The following DOCK10 variants were observed in gnomAD, a reference collection of about 807,000 sequenced individuals.
DOCK10 encodes the protein dedicator of cytokinesis protein 10.
A neutral mutation model predicts 280.1 loss-of-function variants in DOCK10; 145 were observed. That is an observed-to-expected ratio of 0.52 (90% confidence interval 0.45 to 0.59). The LOEUF (loss-of-function observed/expected upper bound fraction) is 0.59, where lower values mean the gene tolerates loss of function less well. Ranked by LOEUF, DOCK10 falls within the 20% of genes least tolerant of loss-of-function variation. The pLI is 0.00. For synonymous variants in DOCK10, 915 were observed against 942.2 expected (o/e 0.97, Z 0.53); for missense variants, 2,368 against 2,651.7 (o/e 0.89, Z 2.35).
intron 1 of DOCK10, among the ~76,000 whole-genome samples, chr2:224,989,815 C>T (rs75736620): frequency 0.02 from 2,975 of 152,276 alleles, 91 homozygotes; most frequent in African/African-American, 0.068. Context: ...GCCCCTCCTA[C>T]TGCTACCTCT....
chr2:224,999,247 TC>T (rs1559941954), intron 1 of DOCK10, among the ~76,000 whole-genome samples: 16 of 146,132 alleles, frequency 1.1e-4, no homozygotes, highest in African/African-American at 4.0e-4. Context: ...TCTGTCTCTC[TC>T]TCTTTTTTTT....
At chr2:225,016,887 TG>T (rs1221895663) in intron 1 of DOCK10, among the ~76,000 whole-genome samples, 2 of 147,838 alleles carry the variant, frequency 1.4e-5, no homozygotes, top group African/African-American at 4.9e-5. Flanking sequence ...ATTTTTATTT[TG>T]TATTTTGTAT....
In DOCK10 at chr2:224,892,121, G is replaced by A. The variant is rs539959483; in HGVS notation, c.416+4174C>T. ...TGGTTGTTAAGAAAATCAAGGCTGG[G>A]TGTAGCAGCTCACGGCTGTAATCCC... On this transcript the variant is annotated intron_variant, in intron 4 of 55. Coordinates refer to ENST00000258390, the MANE Select transcript of DOCK10 (RefSeq NM_014689.3). 2.2e-4 allele frequency among the ~76,000 whole-genome samples: 34 copies of A among 152,188 alleles called. 4 individuals are homozygous for A. In the South Asian group the frequency reaches 7.1e-3, roughly 32 times the overall value.
intron 7 of DOCK10, among the ~76,000 whole-genome samples, chr2:224,878,842 A>C (rs1273467886): frequency 6.6e-6 from 1 of 152,208 alleles, no homozygotes; most frequent in Non-Finnish European, 1.5e-5. Context: ...CAAGTCTTAG[A>C]AGGGCAGAAC....
chr2:225,030,910 G>A lies in DOCK10; in HGVS notation c.123+11342C>T, dbSNP rs16866474. On this transcript the variant is annotated intron_variant, in intron 1 of 55. Transcript: ENST00000258390. Reference sequence around the variant, plus strand: ...GTCGCCAACATCTGTCCTCTGGAACGTGCCTCAGAATTTCTTTACTGCAAA... The same window carrying A: ...GTCGCCAACATCTGTCCTCTGGAACATGCCTCAGAATTTCTTTACTGCAAA... 7.9e-3 allele frequency among the ~76,000 whole-genome samples: 1,207 copies of A among 152,238 alleles called. 15 individuals are homozygous for A. The highest frequency in any genetic ancestry group is 0.027 in the African/African-American group (1,136 of 41,534).
At chr2:224,994,416 C>T (rs1034786936) in intron 1 of DOCK10, among the ~76,000 whole-genome samples, 2 of 152,184 alleles carry the variant, frequency 1.3e-5, no homozygotes, top group Non-Finnish European at 2.9e-5. Context: ...GGAAGTAGTA[C>T]TACAAGGTCA....
At chr2:224,808,686 A>G (rs1401575362) in intron 31 of DOCK10, among the ~76,000 whole-genome samples, 3 of 152,128 alleles carry the variant, frequency 2.0e-5, no homozygotes, top group African/African-American at 4.8e-5. Context: ...GAACAGTACA[A>G]TTTCCTTAGC....
At chr2:224,828,048 T>A (rs1185738025) in intron 27 of DOCK10, among the ~76,000 whole-genome samples, 1 of 152,224 alleles carries the variant, frequency 6.6e-6, no homozygotes, top group African/African-American at 2.4e-5. Flanking sequence ...GGCCTCTCCC[T>A]GCTAGAAATC....
intron 21 of DOCK10, 39 bp from the exon 22 acceptor site, chr2:224,844,878 C>A (rs369673114): frequency 7.3e-7 from 1 of 1,363,230 alleles, no homozygotes; most frequent in South Asian, 1.2e-5. Context: ...TGGGACAATT[C>A]GAGAGAAAGA....
chr2:224,836,056 C>T (rs1695573686), intron 25 of DOCK10, among the ~76,000 whole-genome samples: 1 of 152,174 alleles, frequency 6.6e-6, no homozygotes, highest in South Asian at 2.1e-4. Flanking sequence ...AGTCACAACA[C>T]CGGAGGGTTC....
intron 1 of DOCK10, among the ~76,000 whole-genome samples, chr2:225,035,534 GATATATATTATATATATATATATATAT>G (rs1284906337): frequency 1.7e-5 from 1 of 58,202 alleles, no homozygotes; most frequent in East Asian, 3.9e-4. Flanking sequence ...TATATGATAT[GATATATATTATATATATATATATATAT>G]ATATATATAT....
intron 33 of DOCK10, 93 bp downstream of exon 33, chr2:224,807,575 A>G (rs1462371887): frequency 1.3e-6 from 1 of 786,726 alleles, no homozygotes; most frequent in Non-Finnish European, 2.1e-6. Context: ...GTATGTTCAC[A>G]GATGAGAAGA....
intron 55 of DOCK10, chr2:224,769,087 T>A: frequency 2.7e-6 from 1 of 377,134 alleles, no homozygotes; most frequent in Non-Finnish European, 5.2e-6. Context: ...CTCCCAGATT[T>A]ATGATTTTCC....
chr2:225,021,319 G>C (rs281532), intron 1 of DOCK10, among the ~76,000 whole-genome samples: 112,388 of 152,012 alleles, frequency 0.74, 42,430 homozygotes, highest in Middle Eastern at 0.88. Context: ...ATAATCAGTT[G>C]ACAACTCTGT....
chr2:224,918,554 G>A (rs536240220), intron 2 of DOCK10, among the ~76,000 whole-genome samples: 3 of 139,516 alleles, frequency 2.2e-5, no homozygotes, highest in African/African-American at 7.7e-5. Flanking sequence ...ATATGTGTGA[G>A]TGTGTGTGGT....
chr2:224,854,559 A>C (rs944071118), intron 16 of DOCK10, among the ~76,000 whole-genome samples: 1 of 152,158 alleles, frequency 6.6e-6, no homozygotes, highest in African/African-American at 2.4e-5. Flanking sequence ...CAATGGGAGA[A>C]TATATTGTCC....
At chr2:224,941,873 G>GA (rs1703107959) in intron 1 of DOCK10, among the ~76,000 whole-genome samples, 1 of 151,262 alleles carries the variant, frequency 6.6e-6, no homozygotes, top group African/African-American at 2.4e-5. Context: ...TTATAGGAGG[G>GA]AAAGAAAATG....
chr2:225,008,560 A>G (rs902393342), intron 1 of DOCK10, among the ~76,000 whole-genome samples: 1 of 152,206 alleles, frequency 6.6e-6, no homozygotes, highest in Non-Finnish European at 1.5e-5. Context: ...AACTACCTAC[A>G]TTTCCTTTGA....
At chr2:225,031,891 C>T (rs1333183451) in intron 1 of DOCK10, among the ~76,000 whole-genome samples, 1 of 152,142 alleles carries the variant, frequency 6.6e-6, no homozygotes, top group Admixed American at 6.5e-5. Context: ...CCTTTGCCAC[C>T]ACTGGCTGTC....
Sources: gnomAD v4.1 joint callset for allele counts (sites outside exome capture counted in the v4.1 genomes callset) on GRCh38, gnomAD v4.1.1 for gene constraint, MANE v1.5 for transcripts, NCBI Gene and HGNC (gene_info 2026-07-23, HGNC 2026-07-21) for gene names.